The following JAM2 variants were observed in gnomAD, a reference collection of about 807,000 sequenced individuals.
The protein encoded by JAM2 is junctional adhesion molecule 2.
Under a neutral mutation model 42.0 loss-of-function variants are expected in JAM2, and 17 were observed. The observed-to-expected ratio is 0.40, with a 90% CI of 0.28 to 0.61. JAM2 has a LOEUF of 0.61. Ranked by LOEUF, JAM2 falls within the 20% of genes least tolerant of loss-of-function variation. The pLI, the probability that JAM2 is intolerant of heterozygous loss-of-function variation, is 0.37. For synonymous variants in JAM2, 118 were observed against 128.6 expected, an observed-to-expected ratio of 0.92 and a Z score of 0.56; for missense variants, 319 against 358.3, an observed-to-expected ratio of 0.89 and a Z score of 0.89.
intron 1 of JAM2, among the ~76,000 whole-genome samples, chr21:25,676,356 T>G (rs1033125570): frequency 2.7e-5 from 4 of 150,292 alleles, no homozygotes; most frequent in African/African-American, 9.8e-5. Flanking sequence ...TTTTTCCTAG[T>G]CATGTTTTCA....
At chr21:25,695,295 G>A (rs2033979138) in intron 4 of JAM2, among the ~76,000 whole-genome samples, 1 of 152,160 alleles carries the variant, frequency 6.6e-6, no homozygotes, top group Non-Finnish European at 1.5e-5. Flanking sequence ...ACGGGGTTGG[G>A]GGTAATGTTA....
intron 1 of JAM2, among the ~76,000 whole-genome samples, chr21:25,653,019 C>T (rs547966186): frequency 5.2e-4 from 79 of 152,330 alleles, no homozygotes; most frequent in African/African-American, 1.8e-3. Flanking sequence ...TTGGAACAGA[C>T]TGTCCTTGTG....
At chr21:25,641,024 G>A (rs1361610725) in intron 1 of JAM2, among the ~76,000 whole-genome samples, 1 of 152,160 alleles carries the variant, frequency 6.6e-6, no homozygotes, top group African/African-American at 2.4e-5. Context: ...TTGTGGAGGA[G>A]GAAGGTGCAC....
In JAM2 at chr21:25,672,703, C is replaced by T. The variant is rs193006120; in HGVS notation, c.68-11180C>T. 7.7e-4 allele frequency among the ~76,000 whole-genome samples: 118 copies of T among 152,294 alleles called. No homozygotes were observed. In the Middle Eastern group the frequency reaches 0.01, roughly 13 times the overall value. ...GCTGTAGAGGTGCGCCTATACACAA[C>T]GCAGACCATGTCTCATTAGTAAGGA... On this transcript the variant is annotated intron_variant, in intron 1 of 9. Coordinates refer to ENST00000480456, the MANE Select transcript of JAM2 (RefSeq NM_021219.4).
Position 25,714,622 on chromosome 21 carries a change from TTTTC to T in JAM2, c.865-10_865-7del, listed in dbSNP as rs1450835809. 1 of 1,404,556 alleles carries T rather than the reference TTTTC, an allele frequency of 7.1e-7. No homozygotes were observed. Among genetic ancestry groups the T allele is most frequent in the Non-Finnish European group, 9.8e-7 (1 of 1,024,048 alleles). 87.0% of individuals were successfully genotyped at this position (1,404,556 alleles called of 1,614,324 possible). A position where few individuals can be genotyped will look rare whatever the true frequency, so the allele number is the denominator to read the frequency against. On this transcript the variant is annotated splice_polypyrimidine_tract_variant and intron_variant, in intron 9 of 9. Coordinates refer to ENST00000480456, the MANE Select transcript of JAM2 (RefSeq NM_021219.4). ...ATGAATTCATATATTTAAACCTGTT[TTTTC>T]TTTCTTTTCCTAGGATTTCAAGCAC...
At chr21:25,699,647 C>T (rs969114458) in intron 5 of JAM2, among the ~76,000 whole-genome samples, 1 of 143,180 alleles carries the variant, frequency 7.0e-6, no homozygotes, top group African/African-American at 2.6e-5. Flanking sequence ...GGCGTGAACC[C>T]GGGAGGCGGA....
chr21:25,712,223 A>T, intron 8 of JAM2, 117 bp from the exon 9 acceptor site: 1 of 742,140 alleles, frequency 1.3e-6, no homozygotes, highest in Non-Finnish European at 2.5e-6. Context: ...TACCTAAGAT[A>T]TATGTTCATG....
At chr21:25,706,889 G>A (rs373252512) in intron 7 of JAM2, among the ~76,000 whole-genome samples, 65 of 152,010 alleles carry the variant, frequency 4.3e-4, no homozygotes, top group African/African-American at 1.4e-3. Flanking sequence ...ACAGGCTCCC[G>A]CCACCACGCC....
chr21:25,698,950 T>G, intron 5 of JAM2, 71 bp downstream of exon 5: 3 of 1,348,292 alleles, frequency 2.2e-6, no homozygotes, highest in Non-Finnish European at 3.2e-6. Context: ...GAACTTAAGA[T>G]GACGTTTAAT....
At chr21:25,699,537 A>C (rs1414423949) in intron 5 of JAM2, among the ~76,000 whole-genome samples, 1 of 151,998 alleles carries the variant, frequency 6.6e-6, no homozygotes, top group Admixed American at 6.5e-5. Context: ...CCTGGCTAAC[A>C]CGGTGAAACC....
intron 4 of JAM2, among the ~76,000 whole-genome samples, chr21:25,696,990 A>G (rs927623400): frequency 2.7e-5 from 4 of 150,558 alleles, no homozygotes; most frequent in African/African-American, 9.8e-5. Context: ...CTCAGCTGAG[A>G]CAACAGGCAC....
chr21:25,657,511 G>C (rs2032971665), intron 1 of JAM2, among the ~76,000 whole-genome samples: 1 of 152,106 alleles, frequency 6.6e-6, no homozygotes, highest in African/African-American at 2.4e-5. Context: ...CATGTGAAAT[G>C]TCTCTACTAG....
Position 25,715,415 on chromosome 21 carries a change from G to T in JAM2, c.*743G>T, listed in dbSNP as rs921293396. ...TGCTGCTTGCCACTGCTTCCTTCTT[G>T]TAAGATTTCTTTGAAGAGGATCAGT... On this transcript the variant is annotated 3_prime_UTR_variant, in exon 10 of 10. Transcript: ENST00000480456. 2.6e-5 allele frequency: 4 copies of T among 152,192 alleles called. No homozygotes were observed. Among genetic ancestry groups the T allele is most frequent in the African/African-American group, 7.2e-5 (3 of 41,418 alleles). The allele number at this position is 152,192 out of a possible 1,614,324, so 9.4% of individuals were successfully genotyped here. A position where few individuals can be genotyped will look rare whatever the true frequency, so the allele number is the denominator to read the frequency against.
chr21:25,700,839 C>A (rs188709091), intron 5 of JAM2, among the ~76,000 whole-genome samples: 1 of 152,180 alleles, frequency 6.6e-6, no homozygotes, highest in Non-Finnish European at 1.5e-5. Flanking sequence ...AGTCAGCAGG[C>A]GCAGTCAGCA....
chr21:25,695,870 G>A (rs1488224775), intron 4 of JAM2, among the ~76,000 whole-genome samples: 1 of 151,808 alleles, frequency 6.6e-6, no homozygotes, highest in Non-Finnish European at 1.5e-5. Flanking sequence ...TCAGAAGATG[G>A]GCGGCCGGGA....
At chr21:25,646,530 G>T (rs148419973) in intron 1 of JAM2, among the ~76,000 whole-genome samples, 67 of 152,130 alleles carry the variant, frequency 4.4e-4, no homozygotes, top group African/African-American at 1.6e-3. Flanking sequence ...GGCCTTCTAA[G>T]TTCCAAAGTG....
intron 1 of JAM2, among the ~76,000 whole-genome samples, chr21:25,666,318 A>T (rs1229918653): frequency 6.7e-6 from 1 of 148,880 alleles, no homozygotes; most frequent in Admixed American, 6.7e-5. Context: ...TACGGCTTTT[A>T]TTATTATTAT....
chr21:25,645,305 T>G (rs1181578169), intron 1 of JAM2, among the ~76,000 whole-genome samples: 1 of 152,238 alleles, frequency 6.6e-6, no homozygotes, highest in Non-Finnish European at 1.5e-5. Context: ...ACACCTGTAT[T>G]ATGTCAGTTT....
At chr21:25,684,891 C>T (rs2033715754) in intron 2 of JAM2, among the ~76,000 whole-genome samples, 1 of 152,184 alleles carries the variant, frequency 6.6e-6, no homozygotes, top group African/African-American at 2.4e-5. Context: ...AACAACCACA[C>T]CTGCCCTATA....
Sources: gnomAD v4.1 joint callset for allele counts (sites outside exome capture counted in the v4.1 genomes callset) on GRCh38, gnomAD v4.1.1 for gene constraint, MANE v1.5 for transcripts, NCBI Gene and HGNC (gene_info 2026-07-23, HGNC 2026-07-21) for gene names.